Variants in ENO3 observed in about 807,000 individuals in gnomAD.
The protein encoded by ENO3 is beta-enolase.
In ENO3, 46 loss-of-function variants were observed where a neutral mutation model predicts 47.7. The observed-to-expected ratio is 0.96, with a 90% CI of 0.76 to 1.23. The LOEUF is 1.23. Ranked by LOEUF, ENO3 falls within the 50% of genes most tolerant of loss-of-function variation. The probability of loss-of-function intolerance (pLI) is 0.00; values close to 1 mark genes in which losing one functional copy is unlikely to be tolerated. For synonymous variants in ENO3, 223 were observed against 225.9 expected, an observed-to-expected ratio of 0.99 and a Z score of 0.11; for missense variants, 575 against 566.2, an observed-to-expected ratio of 1.02 and a Z score of -0.16.
chr17:4,955,002 A>G (rs894312006), intron 6 of ENO3, 73 bp from the exon 7 acceptor site: 3 of 1,423,372 alleles, frequency 2.1e-6, no homozygotes, highest in Non-Finnish European at 2.9e-6. Context: ...TTCCACCCCA[A>G]CACCCCCCGC....
In ENO3 at chr17:4,953,672, C is replaced by T. The variant is rs1243187146; in HGVS notation, c.311-40C>T. On this transcript the variant is annotated intron_variant, in intron 5 of 11. Coordinates refer to ENST00000519602, the MANE Select transcript of ENO3 (RefSeq NM_053013.4). ...CCTGGAGTAGCCACCCCAAACCCTGCAGAAGCTCTCATCCTTTCTTCCCGC... is the reference window on the plus strand; with the variant it reads ...CCTGGAGTAGCCACCCCAAACCCTGTAGAAGCTCTCATCCTTTCTTCCCGC... 5 of 1,614,228 alleles carry T rather than the reference C, an allele frequency of 3.1e-6. No individual in the cohort carries two copies. The South Asian group carries it at 5.5e-5, about 18-fold the overall frequency.
rs966149743 is a variant in ENO3 at position 4,956,998 on chromosome 17, A to G, written c.1256A>G (p.Asp419Gly). The G allele has an allele frequency of 6.2e-7, 1 of 1,614,164 alleles. No individual in the cohort carries two copies. Among genetic ancestry groups the G allele is most frequent in the Non-Finnish European group, 8.5e-7 (1 of 1,180,032 alleles). The stretch of plus-strand genomic sequence containing the variant: ...TCTAGGATCGAGGAGGCTCTTGGGG[A>G]CAAGGCAATCTTTGCTGGACGCAAG... ...QLMRIEEALG[D>G]KAIFAGRKFR... The change falls in exon 12 of 12, where the codon GAC becomes GGC. Residue 419 changes from aspartate (D) to glycine (G), a missense_variant. Physicochemically the swap from Asp to Gly is moderately conservative, Grantham distance 94 (BLOSUM62 -1). Coordinates refer to ENST00000519602, the MANE Select transcript of ENO3 (RefSeq NM_053013.4).
At chr17:4,953,378 G>A in intron 5 of ENO3, 37 bp downstream of exon 5, 1 of 1,613,842 alleles carries the variant, frequency 6.2e-7, no homozygotes, top group South Asian at 1.1e-5. Flanking sequence ...GGGATGAGGT[G>A]TGGGAGAGAT....
Position 4,955,266 on chromosome 17 carries a change from C to A in ENO3, c.636C>A (p.Gly212=). The A allele has an allele frequency of 6.2e-7, 1 of 1,614,276 alleles. No individual in the cohort carries two copies. The highest frequency in any genetic ancestry group is 8.5e-7 in the Non-Finnish European group (1 of 1,180,046). Residue 212 remains glycine, a synonymous_variant, in exon 7 of 12, where the codon GGC becomes GGA. Coordinates refer to ENST00000519602, the MANE Select transcript of ENO3 (RefSeq NM_053013.4). ...CCACCAATGTGGGTGATGAAGGTGG[C>A]TTCGCACCCAACATCCTGGAGAACA... The part of the protein sequence containing the change: ...KDATNVGDEG[G]FAPNILENNE...
At chr17:4,953,878 G>A (rs370082924) in intron 6 of ENO3, 33 bp downstream of exon 6, 287 of 1,613,666 alleles carry the variant, frequency 1.8e-4, no homozygotes, top group Non-Finnish European at 2.3e-4. Flanking sequence ...CCCAGATCTC[G>A]CCTGGACAGA....
In ENO3 at chr17:4,953,017, T is replaced by C. The variant is rs114341110; in HGVS notation, c.182-34T>C. 1,552 of 1,613,890 alleles carry C rather than the reference T, an allele frequency of 9.6e-4. 8 individuals are homozygous for C. The African/African-American group carries it at 0.017, about 18-fold the overall frequency. ...GGTCCACAGAAAGGGGCCCAGTTGATTGAGCTCCAAAACTCATCCTCTGGC... is the reference window on the plus strand; with the variant it reads ...GGTCCACAGAAAGGGGCCCAGTTGACTGAGCTCCAAAACTCATCCTCTGGC... On this transcript the variant is annotated intron_variant, in intron 3 of 11. Coordinates refer to ENST00000519602, the MANE Select transcript of ENO3 (RefSeq NM_053013.4).
At chr17:4,948,832 CAGA>C (rs1971464665), upstream of ENO3, 1 of 162,018 alleles carries the variant, frequency 6.2e-6, no homozygotes, top group South Asian at 1.7e-4. Flanking sequence ...GGGAGTGAGC[CAGA>C]AGAAGGAAGG....
intron 2 of ENO3, among the ~76,000 whole-genome samples, chr17:4,952,524 G>C (rs904644779): frequency 9.9e-5 from 15 of 152,122 alleles, no homozygotes; most frequent in East Asian, 7.7e-4. Flanking sequence ...GGGGTTTCAC[G>C]GTGTCAGCCA....
intron 1 of ENO3, 136 bp downstream of exon 1, chr17:4,951,318 G>T: frequency 1.0e-6 from 1 of 1,001,898 alleles, no homozygotes; most frequent in Non-Finnish European, 1.2e-6. Flanking sequence ...GGGAAGGGGC[G>T]GCTGGAGCAA....
In ENO3 at chr17:4,953,828, C is replaced by A; in HGVS notation, c.427C>A (p.Leu143Ile). The change falls in exon 6 of 12, where the codon CTC becomes ATC. Residue 143 changes from leucine to isoleucine, a missense_variant. By Grantham distance (5) the Leu-to-Ile change is conservative (BLOSUM62 2). Transcript: ENST00000519602. ...HIADLAGNPD[L>I]ILPVPAFNVI... Reference sequence around the variant, plus strand: ...CGCAGATCTCGCTGGGAACCCTGACCTCATACTCCCAGTGCCAGTGAGTGC... The same window carrying A: ...CGCAGATCTCGCTGGGAACCCTGACATCATACTCCCAGTGCCAGTGAGTGC... 6.2e-7 allele frequency: 1 copy of A among 1,614,186 alleles called. No individual in the cohort carries two copies. The highest frequency in any genetic ancestry group is 8.5e-7 in the Non-Finnish European group (1 of 1,180,028).
At chr17:4,955,318 G>C in intron 7 of ENO3, 21 bp downstream of exon 7, 3 of 1,613,400 alleles carry the variant, frequency 1.9e-6, no homozygotes, top group Non-Finnish European at 2.5e-6. Context: ...AGCACCCTGG[G>C]GGGCAGACCC....
intron 2 of ENO3, chr17:4,952,450 TCTC>T (rs1163394587): frequency 2.8e-6 from 1 of 354,068 alleles, no homozygotes; most frequent in African/African-American, 2.1e-5. Flanking sequence ...TTCACGCCAT[TCTC>T]CTGCCTCAGC....
rs749748461 is a variant in ENO3, at chr17:4,952,862, C to T, written c.153C>T (p.Asp51=). The T allele has an allele frequency of 3.2e-5, 51 of 1,612,522 alleles. No individual in the cohort carries two copies. The highest frequency in any genetic ancestry group is 6.7e-5 in the African/African-American group (5 of 74,898). ...TCTATGAGGCTCTGGAACTAAGAGA[C>T]GGAGACAAAGGCCGCTACCTGGGGA... ...TGIYEALELR[D]GDKGRYLGKG... is the part of the protein sequence containing the mutation. The change falls in exon 3 of 12, where the codon GAC becomes GAT. Residue 51 remains aspartate (D), a synonymous_variant. Transcript: ENST00000519602.
intron 2 of ENO3, chr17:4,952,477 G>C: frequency 2.7e-6 from 1 of 368,632 alleles, no homozygotes; most frequent in Admixed American, 3.8e-5. Context: ...CCGAGTAGCT[G>C]GGACTACAGC....
At chr17:4,952,565 C>T (rs1446875922) in intron 2 of ENO3, among the ~76,000 whole-genome samples, 2 of 152,216 alleles carry the variant, frequency 1.3e-5, no homozygotes, top group East Asian at 1.9e-4. Flanking sequence ...TCTCGTGATC[C>T]GCCCGCCTTG....
Position 4,956,632 on chromosome 17 carries a change from C to T in ENO3, c.1127C>T (p.Thr376Ile), listed in dbSNP as rs773860245. 2.1e-5 allele frequency: 34 copies of T among 1,614,092 alleles called. 1 individual carries two copies. In the South Asian group the frequency reaches 3.7e-4, roughly 18 times the overall value. Residue 376 changes from threonine (T) to isoleucine (I), a missense_variant, in exon 10 of 12, where the codon ACT becomes ATT. Physicochemically the swap from Thr to Ile is moderately conservative, Grantham distance 89 (BLOSUM62 -1). Coordinates refer to ENST00000519602, the MANE Select transcript of ENO3 (RefSeq NM_053013.4). The part of the protein sequence containing the change: ...GVMVSHRSGE[T>I]EDTFIADLVV... ...ATGGTGAGCCACCGCTCTGGGGAGACTGAGGACACATTCATTGCTGACCTT... is the reference window on the plus strand; with the variant it reads ...ATGGTGAGCCACCGCTCTGGGGAGATTGAGGACACATTCATTGCTGACCTT...
chr17:4,952,963 T>G, intron 3 of ENO3, 73 bp downstream of exon 3: 1 of 1,610,736 alleles, frequency 6.2e-7, no homozygotes, highest in Non-Finnish European at 8.5e-7. Context: ...GGTAGAGGAC[T>G]GGAACCCCCA....
chr17:4,956,199 C>T (rs1349089509), intron 9 of ENO3, 56 bp downstream of exon 9: 71 of 1,590,710 alleles, frequency 4.5e-5, no homozygotes, highest in Non-Finnish European at 5.9e-5. Flanking sequence ...CCAGCTCTGC[C>T]CACTCCAGCT....
chr17:4,956,387 C>T (rs2151144319), intron 9 of ENO3, 186 bp from the exon 10 acceptor site: 1 of 747,986 alleles, frequency 1.3e-6, no homozygotes, highest in African/African-American at 1.7e-5. Context: ...TTCCGCTGTT[C>T]TCAGCAGCAT....
Sources: gnomAD v4.1 joint callset for allele counts (sites outside exome capture counted in the v4.1 genomes callset) on GRCh38, gnomAD v4.1.1 for gene constraint, MANE v1.5 for transcripts, NCBI Gene and HGNC (gene_info 2026-07-23, HGNC 2026-07-21) for gene names.